The following SCYL3 variants were observed in gnomAD, a reference collection of about 807,000 sequenced individuals.
SCYL3 encodes the protein SCY1 like pseudokinase 3, also known as protein-associating with the carboxyl-terminal domain of ezrin.
In SCYL3, 35 loss-of-function variants were observed where a neutral mutation model predicts 73.8. The observed-to-expected ratio is 0.47, with a 90% CI of 0.36 to 0.63. SCYL3 has a LOEUF of 0.63. Among genes scored for constraint, SCYL3 ranks in the 20% least tolerant of loss-of-function variants. The probability of loss-of-function intolerance (pLI) is 0.00; values close to 1 mark genes in which losing one functional copy is unlikely to be tolerated. For missense variants in SCYL3, 712 were observed against 798.9 expected, an observed-to-expected ratio of 0.89 and a Z score of 1.31; for synonymous variants, 277 against 295.2, an observed-to-expected ratio of 0.94 and a Z score of 0.63.
At chr1:169,887,933 G>C (rs1661798102) in intron 2 of SCYL3, among the ~76,000 whole-genome samples, 1 of 152,130 alleles carries the variant, frequency 6.6e-6, no homozygotes. Context: ...AGGTAATAGA[G>C]ATTATAATTC....
chr1:169,891,076 A>G (rs1344347547), intron 1 of SCYL3, among the ~76,000 whole-genome samples: 1 of 152,208 alleles, frequency 6.6e-6, no homozygotes, highest in African/African-American at 2.4e-5. Flanking sequence ...TCATGGCCTG[A>G]GTGAAGAGAT....
In SCYL3 at chr1:169,853,917, T is replaced by TAACA. The variant is rs1020883596; in HGVS notation, c.2008-149_2008-146dup. On this transcript the variant is annotated intron_variant, in intron 12 of 12. Coordinates refer to ENST00000367771, the MANE Select transcript of SCYL3 (RefSeq NM_020423.7). ...TACTAAGTAAAATAACTTAGAGCTC[T>TAACA]AACAGAAAGTTGAAAAGTAGGATTA... 1.0e-4 allele frequency: 89 copies of TAACA among 864,534 alleles called. No individual in the cohort carries two copies. In the African/African-American group the frequency reaches 1.3e-3, roughly 13 times the overall value. The allele number at this position is 864,534 out of a possible 1,614,324, so 53.6% of individuals were successfully genotyped here. A position where few individuals can be genotyped will look rare whatever the true frequency, so the allele number is the denominator to read the frequency against.
rs1415123133 is a variant in SCYL3, at chr1:169,861,179, C to T, written c.1140+1434G>A. Among the ~76,000 whole-genome samples the T allele has an allele frequency of 3.9e-5, 6 of 152,322 alleles. No individual in the cohort carries two copies. In the South Asian group the frequency reaches 1.0e-3, roughly 26 times the overall value. On this transcript the variant is annotated intron_variant, in intron 10 of 12. Coordinates refer to ENST00000367771, the MANE Select transcript of SCYL3 (RefSeq NM_020423.7). ...CAGAGACTTTAAAGTCAGCCCCCAG[C>T]GAATCACACCTCCAGTATCCATGCC...
intron 9 of SCYL3, 106 bp downstream of exon 9, chr1:169,864,263 A>T: frequency 6.9e-7 from 1 of 1,449,492 alleles, no homozygotes; most frequent in South Asian, 1.2e-5. Context: ...CTCCGTTTTT[A>T]GAACCAAACA....
At position 169,851,987 on chromosome 1, in the gene SCYL3, C is replaced by CT. The variant is rs1658407085; in HGVS notation, c.*1725dup. ...AAACTTTAACAAGGCAAATTCTGCC[C>CT]TTTTTACTTACTGACGAAACAAACC... On this transcript the variant is annotated 3_prime_UTR_variant, in exon 13 of 13. Coordinates refer to ENST00000367771, the MANE Select transcript of SCYL3 (RefSeq NM_020423.7). 6.2e-7 allele frequency: 1 copy of CT among 1,612,786 alleles called. No homozygotes were observed. Among genetic ancestry groups the CT allele is most frequent in the Non-Finnish European group, 8.5e-7 (1 of 1,179,508 alleles).
rs1310235010 is a variant in SCYL3, at chr1:169,851,061, T to A, written c.*2652A>T. On this transcript the variant is annotated 3_prime_UTR_variant, in exon 13 of 13. Coordinates refer to ENST00000367771, the MANE Select transcript of SCYL3 (RefSeq NM_020423.7). ...CTCAGGGCCCTTTTTTTTTTTTTTTTTTTTTTTTTTTTGGCATGGCTTTTT... is the reference window on the plus strand; with the variant it reads ...CTCAGGGCCCTTTTTTTTTTTTTTTATTTTTTTTTTTTGGCATGGCTTTTT... 8.1e-6 allele frequency: 1 copy of A among 123,104 alleles called. No individual in the cohort carries two copies. The highest frequency in any genetic ancestry group is 1.8e-5 in the Non-Finnish European group (1 of 56,710). 7.6% of individuals were successfully genotyped at this position (123,104 alleles called of 1,614,324 possible).
At chr1:169,868,092 T>C (rs1212852618) in intron 7 of SCYL3, among the ~76,000 whole-genome samples, 1 of 152,208 alleles carries the variant, frequency 6.6e-6, no homozygotes, top group Non-Finnish European at 1.5e-5. Context: ...AAGTTTTGAA[T>C]AGTTTGAAAT....
Position 169,854,428 on chromosome 1 carries a change from G to GATC in SCYL3, c.1846_1848dup (p.Asp616dup). ...ATATCAGCAAACCAATCCATCTCAG[G>GATC]ATCTTTTACTGGCTTCTTTTTTACT... On this transcript the variant is annotated inframe_insertion, in exon 12 of 13. Coordinates refer to ENST00000367771, the MANE Select transcript of SCYL3 (RefSeq NM_020423.7). 6.2e-7 allele frequency: 1 copy of GATC among 1,614,038 alleles called. No individual in the cohort carries two copies. Among genetic ancestry groups the GATC allele is most frequent in the African/African-American group, 1.3e-5 (1 of 75,000 alleles).
At position 169,854,424 on chromosome 1, in the gene SCYL3, T is replaced by C; in HGVS notation, c.1853A>G (p.Glu618Gly). 1 of 1,614,074 alleles carries C rather than the reference T, an allele frequency of 6.2e-7. No homozygotes were observed. Among genetic ancestry groups the C allele is most frequent in the Non-Finnish European group, 8.5e-7 (1 of 1,179,960 alleles). ...GATCATATCAGCAAACCAATCCATC[T>C]CAGGATCTTTTACTGGCTTCTTTTT... ...QVKKKPVKDP[E>G]MDWFADMIPE... Residue 618 changes from glutamate to glycine, a missense_variant, in exon 12 of 13, where the codon GAG (glutamate) becomes GGG (glycine). Around this residue, in one of 2 missense-constraint regions of SCYL3, gnomAD observed 370 missense variants for 350.8 expected, o/e 1.05. Coordinates refer to ENST00000367771, the MANE Select transcript of SCYL3 (RefSeq NM_020423.7).
Position 169,850,253 on chromosome 1 carries a change from A to AT in SCYL3, c.*3459dup. 1 of 1,590,352 alleles carries AT rather than the reference A, an allele frequency of 6.3e-7. No homozygotes were observed. The highest frequency in any genetic ancestry group is 8.6e-7 in the Non-Finnish European group (1 of 1,162,818). On this transcript the variant is annotated 3_prime_UTR_variant, in exon 13 of 13. Coordinates refer to ENST00000367771, the MANE Select transcript of SCYL3 (RefSeq NM_020423.7). ...ATGTTAAAATTGGTCTTGTTCATCA[A>AT]TTTTTTAATAGGGAACAAATCATGA...
At chr1:169,876,337 C>T in intron 3 of SCYL3, among the ~76,000 whole-genome samples, 1 of 152,168 alleles carries the variant, frequency 6.6e-6, no homozygotes, top group Non-Finnish European at 1.5e-5. Flanking sequence ...CTGTTATCTC[C>T]CCCTGCCTCA....
chr1:169,853,917 T>TTG, intron 12 of SCYL3, 145 bp from the exon 13 acceptor site: 1 of 864,534 alleles, frequency 1.2e-6, no homozygotes. Flanking sequence ...CTTAGAGCTC[T>TTG]AACAGAAAGT....
chr1:169,891,365 T>C (rs1240127976), intron 1 of SCYL3, among the ~76,000 whole-genome samples: 2 of 152,226 alleles, frequency 1.3e-5, no homozygotes, highest in South Asian at 2.1e-4. Flanking sequence ...TCCACCCAGA[T>C]ACCCTAACAT....
intron 10 of SCYL3, 83 bp from the exon 11 acceptor site, chr1:169,859,295 AC>A: frequency 1.5e-6 from 2 of 1,333,042 alleles, no homozygotes; most frequent in Non-Finnish European, 2.0e-6. Context: ...TGGGCTGCAA[AC>A]AGATTGTGCT....
intron 4 of SCYL3, among the ~76,000 whole-genome samples, chr1:169,874,423 T>C (rs1013292637): frequency 7.9e-5 from 12 of 152,294 alleles, no homozygotes; most frequent in East Asian, 1.9e-4. Context: ...ACTAATTTTG[T>C]TGGGCAGGGG....
intron 3 of SCYL3, among the ~76,000 whole-genome samples, chr1:169,876,491 A>G (rs1460460228): frequency 1.3e-5 from 2 of 152,242 alleles, no homozygotes; most frequent in East Asian, 3.8e-4. Context: ...CTTTAAAGAT[A>G]AAATATATCT....
chr1:169,889,957 C>T (rs943002144), intron 1 of SCYL3, among the ~76,000 whole-genome samples: 5 of 152,210 alleles, frequency 3.3e-5, no homozygotes, highest in African/African-American at 1.2e-4. Flanking sequence ...TACACACACA[C>T]TTGCCTGCAC....
Position 169,851,045 on chromosome 1 carries a change from C to CTTTTTTTTTTTTTTTTTTTTTTTT in SCYL3, c.*2644_*2667dup, listed in dbSNP as rs58984684. 5.8e-5 allele frequency: 1 copy of CTTTTTTTTTTTTTTTTTTTTTTTT among 17,310 alleles called. No homozygotes were observed. Among genetic ancestry groups the CTTTTTTTTTTTTTTTTTTTTTTTT allele is most frequent in the Non-Finnish European group, 1.0e-4 (1 of 9,628 alleles). 1.1% of individuals were successfully genotyped at this position (17,310 alleles called of 1,614,324 possible). On this transcript the variant is annotated 3_prime_UTR_variant, in exon 13 of 13. Transcript: ENST00000367771. ...CCCAAGCCAGGGTAAGCTCAGGGCC[C>CTTTTTTTTTTTTTTTTTTTTTTTT]TTTTTTTTTTTTTTTTTTTTTTTTT...
chr1:169,856,844 C>T (rs1032081623), intron 11 of SCYL3, among the ~76,000 whole-genome samples: 2 of 152,156 alleles, frequency 1.3e-5, no homozygotes, highest in African/African-American at 4.8e-5. Flanking sequence ...AAGAGGTGAA[C>T]GCTCTTTAAA....
Sources: allele counts gnomAD v4.1 joint callset (sites outside exome capture counted in the v4.1 genomes callset), GRCh38; gene constraint gnomAD v4.1.1; regional missense constraint gnomAD v4.1.1; transcripts MANE v1.5; gene names NCBI Gene and HGNC (gene_info 2026-07-23, HGNC 2026-07-21).